LARGE1: variants seen among roughly 807,000 people sequenced by gnomAD.
The protein encoded by LARGE1 is LARGE xylosyl- and glucuronyltransferase 1.
LARGE1 carries 43 observed loss-of-function variants against 87.6 expected under a neutral mutation model. That is an observed-to-expected ratio of 0.49 (90% CI 0.38 to 0.63). The LOEUF is 0.63. LARGE1 is among the 30% of genes least tolerant of loss of function. The probability of loss-of-function intolerance (pLI) is 0.00; values close to 1 mark genes in which losing one functional copy is unlikely to be tolerated. For missense variants in LARGE1, 802 were observed against 1,000.2 expected (o/e 0.80, Z 2.67); for synonymous variants, 434 against 394.6 (o/e 1.10, Z -1.18).
intron 5 of LARGE1, among the ~76,000 whole-genome samples, chr22:33,593,251 CA>C (rs1261588651): frequency 6.6e-6 from 1 of 151,052 alleles, no homozygotes; most frequent in Non-Finnish European, 1.5e-5. Flanking sequence ...CCATGTTGCC[CA>C]GGTGGGTCTC....
intron 12 of LARGE1, among the ~76,000 whole-genome samples, chr22:33,294,264 A>C (rs2146021721): frequency 6.6e-6 from 1 of 152,352 alleles, no homozygotes; most frequent in South Asian, 2.1e-4. Flanking sequence ...CGCAGGGCTG[A>C]AGGCACTGGG....
intron 1 of LARGE1, among the ~76,000 whole-genome samples, chr22:33,843,588 C>A (rs1052601808): frequency 6.6e-6 from 1 of 151,948 alleles, no homozygotes; most frequent in Non-Finnish European, 1.5e-5. Context: ...CTAGCAGTCC[C>A]ACCACCATCC....
At chr22:33,596,818 T>C (rs940977605) in intron 5 of LARGE1, among the ~76,000 whole-genome samples, 1 of 152,232 alleles carries the variant, frequency 6.6e-6, no homozygotes, top group Non-Finnish European at 1.5e-5. Flanking sequence ...CAAGCATTGC[T>C]TTCCATTACA....
intron 4 of LARGE1, among the ~76,000 whole-genome samples, chr22:33,617,030 G>C (rs2079601249): frequency 6.6e-6 from 1 of 152,246 alleles, no homozygotes; most frequent in African/African-American, 2.4e-5. Context: ...ATTTGGGAGA[G>C]GGAAGGAGGC....
chr22:33,408,812 G>A (rs757252597), intron 7 of LARGE1, among the ~76,000 whole-genome samples: 13 of 151,516 alleles, frequency 8.6e-5, no homozygotes, highest in Non-Finnish European at 1.9e-4. Context: ...ATATTCAGTA[G>A]GCAGACATTA....
intron 11 of LARGE1, among the ~76,000 whole-genome samples, chr22:33,308,236 A>T (rs1935158572): frequency 1.3e-5 from 2 of 152,150 alleles, no homozygotes; most frequent in Non-Finnish European, 2.9e-5. Flanking sequence ...CAGTGGGACT[A>T]AGCAGCCCAG....
the LARGE1 span, among the ~76,000 whole-genome samples, chr22:33,082,337 G>A: frequency 2.0e-5 from 3 of 152,206 alleles, no homozygotes; most frequent in Middle Eastern, 3.4e-3. Flanking sequence ...AGACCCTTCC[G>A]GTTGTTTAGT....
chr22:33,844,330 T>C (rs752006649), intron 1 of LARGE1, among the ~76,000 whole-genome samples: 2 of 152,158 alleles, frequency 1.3e-5, no homozygotes, highest in African/African-American at 4.8e-5. Context: ...GTTTCCCAAA[T>C]TCAATGTATT....
intron 2 of LARGE1, among the ~76,000 whole-genome samples, chr22:33,698,724 C>T (rs750093071): frequency 2.6e-5 from 4 of 152,206 alleles, no homozygotes; most frequent in Admixed American, 6.5e-5. Context: ...AGCTGGCTTC[C>T]TTGCTGATCT....
At chr22:33,809,784 AT>A (rs1428070468) in intron 1 of LARGE1, among the ~76,000 whole-genome samples, 1 of 152,188 alleles carries the variant, frequency 6.6e-6, no homozygotes, top group African/African-American at 2.4e-5. Context: ...AATATTCAAG[AT>A]CAGATGCATA....
At chr22:33,133,353 C>T in the LARGE1 span, among the ~76,000 whole-genome samples, 1 of 152,144 alleles carries the variant, frequency 6.6e-6, no homozygotes. Flanking sequence ...TGACAGGCCC[C>T]AGTGTGTGAT....
At chr22:33,239,442 C>G (rs1018032673) in intron 11 of LARGE1, among the ~76,000 whole-genome samples, 3 of 151,932 alleles carry the variant, frequency 2.0e-5, no homozygotes, top group Non-Finnish European at 2.9e-5. Context: ...ATTGCACTTT[C>G]CTGGTTATTA....
chr22:33,531,737 A>G (rs2072212460), intron 6 of LARGE1, among the ~76,000 whole-genome samples: 1 of 152,240 alleles, frequency 6.6e-6, no homozygotes, highest in Non-Finnish European at 1.5e-5. Context: ...CTCTGATAGT[A>G]GACTTCAATT....
intron 11 of LARGE1, among the ~76,000 whole-genome samples, chr22:33,218,558 T>A (rs530064611): frequency 6.6e-6 from 1 of 152,184 alleles, no homozygotes; most frequent in Non-Finnish European, 1.5e-5. Flanking sequence ...CACATCTGAC[T>A]ACCTTGTTGT....
At chr22:33,619,560 A>G (rs908983821) in intron 4 of LARGE1, among the ~76,000 whole-genome samples, 4 of 151,608 alleles carry the variant, frequency 2.6e-5, no homozygotes, top group Non-Finnish European at 2.9e-5. Context: ...GTCTCAAAAA[A>G]AAAAAAAAAA....
chr22:33,873,296 T>C (rs1373001722), intron 1 of LARGE1: 1 of 152,364 alleles, frequency 6.6e-6, no homozygotes, highest in East Asian at 1.9e-4. Flanking sequence ...ATTTCTTTTT[T>C]TAACTCCCCT....
intron 4 of LARGE1, among the ~76,000 whole-genome samples, chr22:33,606,240 C>T (rs1047442381): frequency 3.3e-5 from 5 of 151,920 alleles, no homozygotes; most frequent in Non-Finnish European, 7.4e-5. Flanking sequence ...CCCATCTCTA[C>T]TAAAAACACA....
At chr22:33,832,273 T>C (rs994215510) in intron 1 of LARGE1, among the ~76,000 whole-genome samples, 2 of 152,148 alleles carry the variant, frequency 1.3e-5, no homozygotes, top group African/African-American at 4.8e-5. Context: ...TCCTCTCTCA[T>C]GTATGGAGTC....
At chr22:33,865,219 G>C (rs1006303399) in intron 1 of LARGE1, among the ~76,000 whole-genome samples, 2 of 152,174 alleles carry the variant, frequency 1.3e-5, no homozygotes, top group Admixed American at 1.3e-4. Flanking sequence ...GGAAGGCACA[G>C]CTGGGAGCCG....
Sources: gnomAD v4.1 joint callset for allele counts (sites outside exome capture counted in the v4.1 genomes callset) on GRCh38, gnomAD v4.1.1 for gene constraint, MANE v1.5 for transcripts, NCBI Gene and HGNC (gene_info 2026-07-23, HGNC 2026-07-21) for gene names.